Variants in GLRA2 observed in about 807,000 individuals in gnomAD.
GLRA2 encodes glycine receptor alpha 2.
Under a neutral mutation model 31.6 loss-of-function variants are expected in GLRA2, and 11 were observed. The ratio of observed to expected loss-of-function variants is 0.35; its 90% CI spans 0.22 to 0.58. GLRA2 has a LOEUF of 0.58. Ranked by LOEUF, GLRA2 falls within the 20% of genes least tolerant of loss-of-function variation. GLRA2 has a pLI of 0.84. For synonymous variants in GLRA2, 132 were observed against 134.0 expected (o/e 0.99, Z 0.10); for missense variants, 212 against 351.8 (o/e 0.60, Z 3.18).
At chrX:14,684,824 T>C (rs979574916) in intron 7 of GLRA2, among the ~76,000 whole-genome samples, 25 of 111,320 alleles carry the variant, frequency 2.2e-4, no homozygotes, top group Admixed American at 1.8e-3. Flanking sequence ...TCCTGCCTGA[T>C]TGCCCTGGCC....
At chrX:14,620,993 G>A (rs1302872085) in intron 7 of GLRA2, among the ~76,000 whole-genome samples, 1 of 111,427 alleles carries the variant, frequency 9.0e-6, no homozygotes, top group African/African-American at 3.3e-5. Context: ...TAGTGATCAG[G>A]GCCCATGTGT....
At chrX:14,700,643 C>T (rs1304108661) in intron 8 of GLRA2, among the ~76,000 whole-genome samples, 4 of 111,104 alleles carry the variant, frequency 3.6e-5, no homozygotes, top group Non-Finnish European at 5.7e-5. Context: ...AGTGGAGAGA[C>T]GGAGGCAGAC....
chrX:14,479,192 C>T, the GLRA2 span, among the ~76,000 whole-genome samples: 1 of 111,183 alleles, frequency 9.0e-6, no homozygotes, highest in East Asian at 2.8e-4. Context: ...AATTTATCCT[C>T]CAGAGATCTA....
At chrX:14,568,867 G>A (rs1011333659) in intron 2 of GLRA2, among the ~76,000 whole-genome samples, 1 of 111,282 alleles carries the variant, frequency 9.0e-6, no homozygotes, top group Admixed American at 9.5e-5. Flanking sequence ...TAAAATATAG[G>A]GGTAAACGTT....
intron 4 of GLRA2, among the ~76,000 whole-genome samples, chrX:14,584,298 CA>C (rs1276549772): frequency 9.0e-6 from 1 of 111,538 alleles, no homozygotes; most frequent in Non-Finnish European, 1.9e-5. Flanking sequence ...TAACATCTAC[CA>C]AATGTCTAGG....
intron 2 of GLRA2, among the ~76,000 whole-genome samples, chrX:14,546,988 T>C (rs1410147915): frequency 8.9e-6 from 1 of 111,746 alleles, no homozygotes; most frequent in African/African-American, 3.2e-5. Context: ...AATTATCTGC[T>C]TCAGTGATAG....
chrX:14,646,599 G>C lies in GLRA2; in HGVS notation c.930+37394G>C, dbSNP rs764859582. On this transcript the variant is annotated intron_variant, in intron 7 of 8. Coordinates refer to ENST00000218075, the MANE Select transcript of GLRA2 (RefSeq NM_002063.4). The stretch of plus-strand genomic sequence containing the variant: ...CCCTGTATCACTAAATAACTAATTT[G>C]AACCTTTCTTGTGATAGGAAGTCAG... 7.2e-5 allele frequency among the ~76,000 whole-genome samples: 8 copies of C among 111,748 alleles called. No homozygotes were observed. The South Asian group carries it at 3.0e-3, about 42-fold the overall frequency.
the GLRA2 span, among the ~76,000 whole-genome samples, chrX:14,480,892 GT>G: frequency 2.7e-5 from 3 of 111,083 alleles, no homozygotes; most frequent in African/African-American, 9.8e-5. Flanking sequence ...TTTTAGAGTC[GT>G]TTTTTTCTAA....
chrX:14,655,353 C>T (rs1452461839), intron 7 of GLRA2, among the ~76,000 whole-genome samples: 1 of 111,151 alleles, frequency 9.0e-6, no homozygotes, highest in Non-Finnish European at 1.9e-5. Context: ...GGGTGTCTGC[C>T]AAGGTTCTCT....
chrX:14,518,968 C>T, the GLRA2 span, among the ~76,000 whole-genome samples: 122 of 95,752 alleles, frequency 1.3e-3, no homozygotes, highest in Admixed American at 4.3e-3. Context: ...GTCGAGATTG[C>T]GCCACTGCAC....
At chrX:14,531,708 C>T (rs1408623905) in intron 1 of GLRA2, among the ~76,000 whole-genome samples, 3 of 111,044 alleles carry the variant, frequency 2.7e-5, no homozygotes, top group African/African-American at 6.5e-5. Context: ...TTAGATATCA[C>T]ATTGAAAAAT....
chrX:14,691,326 CGCGCGTGCGTGCGTGT>C (rs2091356809), intron 8 of GLRA2, among the ~76,000 whole-genome samples: 1 of 69,150 alleles, frequency 1.4e-5, no homozygotes, highest in East Asian at 3.6e-4. Flanking sequence ...TGTGTGTGTG[CGCGCGTGCGTGCGTGT>C]ACATCACTGA....
chrX:14,514,371 C>CCTCCTG, the GLRA2 span, among the ~76,000 whole-genome samples: 1 of 109,452 alleles, frequency 9.1e-6, no homozygotes, highest in Non-Finnish European at 1.9e-5. Flanking sequence ...TAACCAAACA[C>CCTCCTG]CTCCTGTTCC....
At chrX:14,471,265 T>C in the GLRA2 span, among the ~76,000 whole-genome samples, 1 of 112,057 alleles carries the variant, frequency 8.9e-6, no homozygotes, top group Admixed American at 9.5e-5. Flanking sequence ...GTTTCCCTGA[T>C]TGATGGTGAT....
chrX:14,485,856 C>T, the GLRA2 span, among the ~76,000 whole-genome samples: 1 of 111,777 alleles, frequency 8.9e-6, no homozygotes, highest in Non-Finnish European at 1.9e-5. Context: ...CTACTGAAAG[C>T]ATTCCAGTGA....
chrX:14,565,912 G>T (rs1033137288), intron 2 of GLRA2, among the ~76,000 whole-genome samples: 6 of 111,500 alleles, frequency 5.4e-5, no homozygotes, highest in Non-Finnish European at 7.5e-5. Context: ...ACACCTTGAA[G>T]AACTAGAATA....
chrX:14,677,208 T>C (rs548031950), intron 7 of GLRA2, among the ~76,000 whole-genome samples: 2 of 111,844 alleles, frequency 1.8e-5, no homozygotes, highest in Middle Eastern at 4.7e-3. Context: ...TAGTTGTCTT[T>C]TTTTTTTGTA....
At chrX:14,693,945 A>C (rs988451983) in intron 8 of GLRA2, among the ~76,000 whole-genome samples, 1 of 112,176 alleles carries the variant, frequency 8.9e-6, no homozygotes, top group Non-Finnish European at 1.9e-5. Context: ...TGAAAAATGT[A>C]TACTTCAAAT....
intron 2 of GLRA2, among the ~76,000 whole-genome samples, chrX:14,551,672 A>G (rs1166057386): frequency 8.9e-6 from 1 of 111,894 alleles, no homozygotes; most frequent in Non-Finnish European, 1.9e-5. Flanking sequence ...TATACCAAAA[A>G]CATGCCCTTT....
Sources: allele counts gnomAD v4.1 joint callset (sites outside exome capture counted in the v4.1 genomes callset), GRCh38; gene constraint gnomAD v4.1.1; transcripts MANE v1.5; gene names NCBI Gene and HGNC (gene_info 2026-07-23, HGNC 2026-07-21).